LRRC49: variants seen among roughly 807,000 people sequenced by gnomAD.
LRRC49 encodes the protein leucine rich repeat containing 49.
A neutral mutation model predicts 83.3 loss-of-function variants in LRRC49; 50 were observed. That is an observed-to-expected ratio of 0.60 (90% CI 0.48 to 0.76). The LOEUF is 0.76. Ranked by LOEUF, LRRC49 falls within the 30% of genes least tolerant of loss-of-function variation. LRRC49 has a pLI of 0.00. For synonymous variants in LRRC49, 286 were observed against 283.3 expected, an observed-to-expected ratio of 1.01 and a Z score of -0.10; for missense variants, 704 against 809.1, an observed-to-expected ratio of 0.87 and a Z score of 1.58.
chr15:71,031,748 C>T (rs2039358842), intron 14 of LRRC49, among the ~76,000 whole-genome samples: 3 of 152,114 alleles, frequency 2.0e-5, no homozygotes, highest in Admixed American at 1.3e-4. Context: ...TGGCCAGAGT[C>T]ACTTTGCCAT....
chr15:70,975,864 A>G lies in LRRC49; in HGVS notation c.922-4237A>G, dbSNP rs1267371962. 3.3e-5 allele frequency among the ~76,000 whole-genome samples: 5 copies of G among 152,260 alleles called. No homozygotes were observed. In the East Asian group the frequency reaches 9.7e-4, roughly 29 times the overall value. On this transcript the variant is annotated intron_variant, in intron 9 of 15. Coordinates refer to ENST00000260382, the MANE Select transcript of LRRC49 (RefSeq NM_017691.5). ...TGGTAGACATTACTAATGTTCACCA[A>G]TATGCTCTGGTTCTCCTCCTTTTTG...
At chr15:70,919,338 G>A in intron 7 of LRRC49, 145 bp downstream of exon 7, 1 of 717,580 alleles carries the variant, frequency 1.4e-6, no homozygotes, top group African/African-American at 1.8e-5. Context: ...TAATTATTAA[G>A]CTCTGTAATA....
At chr15:70,989,125 T>G (rs547799378) in intron 11 of LRRC49, among the ~76,000 whole-genome samples, 2 of 152,170 alleles carry the variant, frequency 1.3e-5, no homozygotes, top group African/African-American at 4.8e-5. Flanking sequence ...TTGGAGTTGC[T>G]CTTCTCGAGG....
chr15:70,985,340 T>C (rs959925787), intron 11 of LRRC49, among the ~76,000 whole-genome samples: 2 of 151,922 alleles, frequency 1.3e-5, no homozygotes, highest in African/African-American at 4.8e-5. Context: ...TGTGAGATGG[T>C]ATCTCATTGT....
chr15:70,960,872 C>A (rs553718611), intron 8 of LRRC49, among the ~76,000 whole-genome samples: 1 of 152,138 alleles, frequency 6.6e-6, no homozygotes, highest in Non-Finnish European at 1.5e-5. Flanking sequence ...TTGGATTTGG[C>A]AATTAGTTTT....
At chr15:71,005,500 A>G (rs1024057481) in intron 11 of LRRC49, among the ~76,000 whole-genome samples, 2 of 152,140 alleles carry the variant, frequency 1.3e-5, no homozygotes, top group African/African-American at 4.8e-5. Context: ...ACAAAAACCT[A>G]TTTGTTTAAT....
At chr15:70,958,139 C>A (rs545470354) in intron 8 of LRRC49, among the ~76,000 whole-genome samples, 3 of 152,224 alleles carry the variant, frequency 2.0e-5, no homozygotes. Context: ...TAGAACATCT[C>A]CCCTCTTTAC....
At chr15:71,022,631 A>G (rs2039029989) in intron 14 of LRRC49, among the ~76,000 whole-genome samples, 1 of 152,256 alleles carries the variant, frequency 6.6e-6, no homozygotes, top group African/African-American at 2.4e-5. Flanking sequence ...GGTTCAGTTC[A>G]CTAGAAAAAT....
At chr15:70,892,301 G>T (rs1220817757), upstream of LRRC49, 18 of 1,550,934 alleles carry the variant, frequency 1.2e-5, no homozygotes, top group Non-Finnish European at 1.5e-5. Context: ...GCGGGAGCCG[G>T]GTTCCCTGGA....
chr15:71,007,862 C>A (rs1216004021), intron 11 of LRRC49, among the ~76,000 whole-genome samples: 1 of 151,040 alleles, frequency 6.6e-6, no homozygotes, highest in African/African-American at 2.4e-5. Context: ...ATTTCAAAAA[C>A]CATTGAAGTA....
rs2141102098 is a variant in LRRC49 at position 70,897,067 on chromosome 15, T to C, written c.193+1131T>C. ...CTCAACTAGGGTTTTTATGCTTGCA[T>C]TGTCAATTTCCTTGACATTTTTGGT... On this transcript the variant is annotated intron_variant, in intron 3 of 15. Coordinates refer to ENST00000260382, the MANE Select transcript of LRRC49 (RefSeq NM_017691.5). 1.3e-5 allele frequency among the ~76,000 whole-genome samples: 2 copies of C among 152,330 alleles called. 1 individual carries two copies. Among genetic ancestry groups the C allele is most frequent in the East Asian group, 3.9e-4 (2 of 5,188 alleles).
chr15:70,983,534 C>G (rs1354925922), intron 10 of LRRC49, among the ~76,000 whole-genome samples: 1 of 152,064 alleles, frequency 6.6e-6, no homozygotes, highest in Non-Finnish European at 1.5e-5. Context: ...ACATTTCAAC[C>G]TAGTACAATT....
At chr15:71,027,733 G>T (rs748512145) in intron 14 of LRRC49, among the ~76,000 whole-genome samples, 3 of 152,040 alleles carry the variant, frequency 2.0e-5, no homozygotes, top group Non-Finnish European at 4.4e-5. Flanking sequence ...TCATGATTTG[G>T]CTCTGTGCTT....
chr15:70,980,332 T>C, intron 10 of LRRC49, 148 bp downstream of exon 10: 1 of 472,382 alleles, frequency 2.1e-6, no homozygotes, highest in Non-Finnish European at 3.8e-6. Context: ...CTAAAACTTT[T>C]ACAAGTTATT....
At chr15:70,960,439 T>A (rs935811615) in intron 8 of LRRC49, among the ~76,000 whole-genome samples, 69 of 152,298 alleles carry the variant, frequency 4.5e-4, no homozygotes, top group African/African-American at 1.6e-3. Flanking sequence ...GGGAGAGGAA[T>A]TAAACTTCAT....
chr15:70,861,613 C>T (rs539073039), intron 1 of LRRC49, among the ~76,000 whole-genome samples: 14 of 152,166 alleles, frequency 9.2e-5, no homozygotes, highest in South Asian at 2.1e-4. Flanking sequence ...TTAAAGATAA[C>T]GTCTTGCTCT....
chr15:70,887,890 C>T (rs1341516394), upstream of LRRC49, among the ~76,000 whole-genome samples: 1 of 152,000 alleles, frequency 6.6e-6, no homozygotes, highest in East Asian at 1.9e-4. Context: ...ACAAGTTCAA[C>T]AAAAATTAAT....
At chr15:70,875,350 A>G (rs1439864713) in intron 2 of LRRC49, among the ~76,000 whole-genome samples, 2 of 152,184 alleles carry the variant, frequency 1.3e-5, no homozygotes, top group African/African-American at 4.8e-5. Context: ...ATCAAGATAT[A>G]TGGGTAAGGG....
intron 8 of LRRC49, among the ~76,000 whole-genome samples, chr15:70,937,129 C>T (rs778497992): frequency 3.3e-5 from 5 of 152,238 alleles, no homozygotes; most frequent in Non-Finnish European, 5.9e-5. Flanking sequence ...TTGACATTCA[C>T]GGCACTGGTC....
Sources: gnomAD v4.1 joint callset for allele counts (sites outside exome capture counted in the v4.1 genomes callset) on GRCh38, gnomAD v4.1.1 for gene constraint, MANE v1.5 for transcripts, NCBI Gene and HGNC (gene_info 2026-07-23, HGNC 2026-07-21) for gene names.